TERT: variants seen among roughly 807,000 people sequenced by gnomAD.
The protein encoded by TERT is telomerase reverse transcriptase.
In TERT, 42 loss-of-function variants were observed where a neutral mutation model predicts 104.0. That is an observed-to-expected ratio of 0.40 (90% confidence interval 0.32 to 0.52). The LOEUF (loss-of-function observed/expected upper bound fraction) is 0.52, where lower values mean the gene tolerates loss of function less well. TERT is among the 20% of genes least tolerant of loss of function. TERT has a pLI of 0.43. For missense variants in TERT, 1,101 were observed against 1,610.3 expected (o/e 0.68, Z 5.41); for synonymous variants, 781 against 725.6 (o/e 1.08, Z -1.23).
At position 1,264,523 on chromosome 5, in the gene TERT, AG is replaced by A; in HGVS notation, c.2723del (p.Pro908LeufsTer2). The A allele has an allele frequency of 6.2e-7, 1 of 1,614,010 alleles. No homozygotes were observed. Among genetic ancestry groups the A allele is most frequent in the African/African-American group, 1.3e-5 (1 of 75,064 alleles). On this transcript the variant is annotated frameshift_variant, in exon 11 of 16. Transcript: ENST00000310581. LOFTEE classifies it high-confidence loss of function. The part of the protein sequence containing the change: ...VNLRKTVVNF[P>X]VEDEALGGTA... Reference sequence around the variant, plus strand: ...TGCCACCCAGGGCCTCGTCTTCTACAGGGAAGTTCACCACTGTCTTCCGCAA... The same window carrying A: ...TGCCACCCAGGGCCTCGTCTTCTACAGGAAGTTCACCACTGTCTTCCGCAA...
intron 9 of TERT, among the ~76,000 whole-genome samples, chr5:1,267,367 C>T (rs1027678343): frequency 4.6e-5 from 7 of 152,200 alleles, no homozygotes; most frequent in Non-Finnish European, 1.0e-4. Context: ...AGCACCAGAA[C>T]ACTTTTACAC....
rs1314158864 is a variant in TERT at position 1,270,755 on chromosome 5, G to A, written c.2468+364C>T. On this transcript the variant is annotated intron_variant, in intron 8 of 15. Coordinates refer to ENST00000310581, the MANE Select transcript of TERT (RefSeq NM_198253.3). The surrounding 1 kb of genome is among the most constrained non-coding windows in gnomAD (Gnocchi z 8.3). ...GAGAGAGAGATACAAGCGTGTGAGAGCCGGGTGTCCAGCGTCAGTAGTAAC... is the reference window on the plus strand; with the variant it reads ...GAGAGAGAGATACAAGCGTGTGAGAACCGGGTGTCCAGCGTCAGTAGTAAC... Among the ~76,000 whole-genome samples the A allele has an allele frequency of 1.3e-5, 2 of 152,244 alleles. No homozygotes were observed. The highest frequency in any genetic ancestry group is 2.9e-5 in the Non-Finnish European group (2 of 68,044).
intron 2 of TERT, among the ~76,000 whole-genome samples, chr5:1,283,396 C>A (rs1750196811): frequency 7.3e-6 from 1 of 136,758 alleles, no homozygotes; most frequent in Admixed American, 7.3e-5. Context: ...CAGCTCACAG[C>A]AGGGCCTGGC....
chr5:1,294,837 C>T lies in TERT; in HGVS notation c.153G>A (p.Val51=), dbSNP rs1554043143. 3.4e-6 allele frequency: 5 copies of T among 1,464,628 alleles called. No homozygotes were observed. The highest frequency in any genetic ancestry group is 1.3e-5 in the South Asian group (1 of 74,796). The allele number at this position is 1,464,628 out of a possible 1,614,324, so 90.7% of individuals were successfully genotyped here. Residue 51 remains valine (V), a synonymous_variant, in exon 1 of 16, where the codon GTG becomes GTA. Transcript: ENST00000310581. Reference sequence around the variant, plus strand: ...AGGGCACGCACACCAGGCACTGGGCCACCAGCGCGCGGAAAGCCGCCGGGT... The same window carrying T: ...AGGGCACGCACACCAGGCACTGGGCTACCAGCGCGCGGAAAGCCGCCGGGT... ...RGDPAAFRAL[V]AQCLVCVPWD... is the part of the protein sequence containing the mutation.
At chr5:1,276,187 G>A (rs1342373356) in intron 6 of TERT, among the ~76,000 whole-genome samples, 1,158 of 27,586 alleles carry the variant, frequency 0.042, no homozygotes, top group Middle Eastern at 0.083. Flanking sequence ...AATCCCACAG[G>A]TCCCCACCTA....
rs1302652544 is a variant in TERT at position 1,269,656 on chromosome 5, G to A, written c.2469-1023C>T. On this transcript the variant is annotated intron_variant, in intron 8 of 15. Coordinates refer to ENST00000310581, the MANE Select transcript of TERT (RefSeq NM_198253.3). The surrounding 1 kb of genome is among the most constrained non-coding windows in gnomAD (Gnocchi z 9.0). ...AAAAGAAAAGAGGCTTTCCTTGCTG[G>A]TGCAGATATCACAGTGATGGGCAAG... Among the ~76,000 whole-genome samples, 1 of 152,002 alleles carries A rather than the reference G, an allele frequency of 6.6e-6. No homozygotes were observed. Among genetic ancestry groups the A allele is most frequent in the Non-Finnish European group, 1.5e-5 (1 of 68,006 alleles).
chr5:1,260,545 C>T lies in TERT; in HGVS notation c.2899G>A (p.Gly967Arg). The change falls in exon 12 of 16, where the codon GGG becomes AGG. Residue 967 changes from glycine (G) to arginine (R), a missense_variant. By Grantham distance (125) the Gly-to-Arg change is moderately radical. Transcript: ENST00000310581. ...AAGAGTTTGCGACGCATGTTCCTCC[C>T]AGCCTTGAAGCCGCGGTTGAAGGTG... ...SLTFNRGFKA[G>R]RNMRRKLFGV... 1 of 1,614,194 alleles carries T rather than the reference C, an allele frequency of 6.2e-7. No homozygotes were observed. The highest frequency in any genetic ancestry group is 8.5e-7 in the Non-Finnish European group (1 of 1,180,026).
Position 1,293,686 on chromosome 5 carries a change from G to A in TERT, c.1200C>T (p.His400=), listed in dbSNP as rs755523267. 6.4e-6 allele frequency: 10 copies of A among 1,573,696 alleles called. No homozygotes were observed. Among genetic ancestry groups the A allele is most frequent in the Admixed American group, 1.9e-5 (1 of 53,098 alleles). Residue 400 remains histidine (H), a synonymous_variant, in exon 2 of 16, where the codon CAC becomes CAT. Coordinates refer to ENST00000310581, the MANE Select transcript of TERT (RefSeq NM_198253.3). Reference sequence around the variant, plus strand: ...GGAGCACCCCGTAGGGGCACTGCGCGTGGTTCCCAAGCAGCTCCAGAAACA... The same window carrying A: ...GGAGCACCCCGTAGGGGCACTGCGCATGGTTCCCAAGCAGCTCCAGAAACA... ...RPLFLELLGN[H]AQCPYGVLLK... is the part of the protein sequence containing the mutation.
At chr5:1,254,613 G>A (rs1747585056) in intron 14 of TERT, 108 bp from the exon 15 acceptor site, 3 of 1,358,038 alleles carry the variant, frequency 2.2e-6, no homozygotes, top group African/African-American at 1.4e-5. Flanking sequence ...CTCCATCTCT[G>A]GCTGTCCCGA....
chr5:1,278,866 G>T, intron 5 of TERT, 70 bp from the exon 6 acceptor site: 1 of 1,602,162 alleles, frequency 6.2e-7, no homozygotes. Flanking sequence ...TGCCCTCAGG[G>T]CCTGGCCTGG....
Position 1,255,294 on chromosome 5 carries a change from C to G in TERT, c.3150G>C (p.Lys1050Asn), listed in dbSNP as rs373400596. 5.9e-5 allele frequency: 96 copies of G among 1,613,760 alleles called. No homozygotes were observed. The highest frequency in any genetic ancestry group is 1.2e-5 in the Non-Finnish European group (14 of 1,179,888). ...ASLCYSILKA[K>N]NAGMSLGAKG... ...CCAGGCACCTGCACATACCTGCGTT[C>G]TTGGCTTTCAGGATGGAGTAGCAGA... Residue 1050 changes from lysine (K) to asparagine (N), a missense_variant, in exon 14 of 16, where the codon AAG (lysine) becomes AAC (asparagine). Lys to Asn is a moderately conservative substitution (Grantham distance 94). Coordinates refer to ENST00000310581, the MANE Select transcript of TERT (RefSeq NM_198253.3). This position sits in a 1 kb window ranked among gnomAD's most constrained non-coding sequence, Gnocchi z 6.9.
At position 1,264,478 on chromosome 5, in the gene TERT, C is replaced by T. The variant is rs200174990; in HGVS notation, c.2769G>A (p.Pro923=). The T allele has an allele frequency of 2.0e-4, 320 of 1,613,886 alleles. No homozygotes were observed. The African/African-American group carries it at 3.3e-3, about 17-fold the overall frequency. The change falls in exon 11 of 16, where the codon CCG becomes CCA. Residue 923 remains proline, a synonymous_variant. Transcript: ENST00000310581. ...CGCACCAGGGGAATAGGCCGTGGGC[C>T]GGCATCTGAACAAAAGCCGTGCCAC... is the stretch of plus-strand genomic sequence containing the variant. ...ALGGTAFVQM[P]AHGLFPWCGL...
rs1009604623 is a variant in TERT, at chr5:1,255,544, GCA to G, written c.3033-135_3033-134del. Reference sequence around the variant, plus strand: ...CATGGGTTTCCTCATGGGCACAGGTGCACACACACGGATGCATGCATGCATGT... The same window carrying G: ...CATGGGTTTCCTCATGGGCACAGGTGCACACACGGATGCATGCATGCATGT... On this transcript the variant is annotated intron_variant, in intron 13 of 15. Coordinates refer to ENST00000310581, the MANE Select transcript of TERT (RefSeq NM_198253.3). The surrounding 1 kb of genome is among the most constrained non-coding windows in gnomAD (Gnocchi z 6.9). 7 of 1,103,666 alleles carry G rather than the reference GCA, an allele frequency of 6.3e-6. No homozygotes were observed. The highest frequency in any genetic ancestry group is 8.1e-6 in the Non-Finnish European group (6 of 738,880). The allele number at this position is 1,103,666 out of a possible 1,614,324, so 68.4% of individuals were successfully genotyped here. A position where few individuals can be genotyped will look rare whatever the true frequency, so the allele number is the denominator to read the frequency against.
intron 2 of TERT, 129 bp downstream of exon 2, chr5:1,293,184 G>A (rs1751099818): frequency 4.5e-6 from 5 of 1,117,192 alleles, no homozygotes; most frequent in Non-Finnish European, 6.5e-6. Flanking sequence ...TCGACGTCCT[G>A]AGCGAAAAGC....
In TERT at chr5:1,255,807, G is replaced by C. The variant is rs182597862; in HGVS notation, c.3033-396C>G. On this transcript the variant is annotated intron_variant, in intron 13 of 15. Coordinates refer to ENST00000310581, the MANE Select transcript of TERT (RefSeq NM_198253.3). This position sits in a 1 kb window ranked among gnomAD's most constrained non-coding sequence, Gnocchi z 6.9. Reference sequence around the variant, plus strand: ...GTACTTATCATGAATCCTGCCCTTCGTCAGACAACCTTGATGTCATCGTAT... The same window carrying C: ...GTACTTATCATGAATCCTGCCCTTCCTCAGACAACCTTGATGTCATCGTAT... 2.0e-4 allele frequency among the ~76,000 whole-genome samples: 31 copies of C among 152,044 alleles called. No individual in the cohort carries two copies. The highest frequency in any genetic ancestry group is 7.2e-4 in the African/African-American group (30 of 41,478).
chr5:1,260,406 A>C, intron 12 of TERT, 68 bp downstream of exon 12: 1 of 1,609,028 alleles, frequency 6.2e-7, no homozygotes, highest in East Asian at 2.2e-5. Flanking sequence ...GCGCGCACAC[A>C]CACACACACA....
chr5:1,291,390 G>GGCC (rs1485049031), intron 2 of TERT, among the ~76,000 whole-genome samples: 1 of 109,402 alleles, frequency 9.1e-6, no homozygotes, highest in Non-Finnish European at 1.8e-5. Flanking sequence ...GACACCCGGG[G>GGCC]ACAGCGCCTC....
chr5:1,276,841 T>C (rs965651061), intron 6 of TERT, among the ~76,000 whole-genome samples: 1 of 152,204 alleles, frequency 6.6e-6, no homozygotes, highest in African/African-American at 2.4e-5. Context: ...GCTGATAAAG[T>C]GGACTGCGTT....
Position 1,269,299 on chromosome 5 carries a change from T to C in TERT, c.2469-666A>G, listed in dbSNP as rs1172009163. On this transcript the variant is annotated intron_variant, in intron 8 of 15. Coordinates refer to ENST00000310581, the MANE Select transcript of TERT (RefSeq NM_198253.3). The surrounding 1 kb of genome is among the most constrained non-coding windows in gnomAD (Gnocchi z 9.0). ...GACCTGTTATTTTCGGGAAGCGCTA[T>C]AGGTGGTCACCTTAAAAAGAGGCTT... Among the ~76,000 whole-genome samples the C allele has an allele frequency of 2.0e-5, 3 of 152,214 alleles. No homozygotes were observed. The highest frequency in any genetic ancestry group is 2.1e-4 in the South Asian group (1 of 4,830).
Sources: allele counts gnomAD v4.1 joint callset (sites outside exome capture counted in the v4.1 genomes callset), GRCh38; gene constraint gnomAD v4.1.1; non-coding constraint Gnocchi (gnomAD v3.1); transcripts MANE v1.5; gene names NCBI Gene and HGNC (gene_info 2026-07-23, HGNC 2026-07-21).